The following NLGN1 variants were observed in gnomAD, a reference collection of about 807,000 sequenced individuals.
NLGN1 encodes the protein neuroligin 1, also known as neuroligin-1.
In NLGN1, 12 loss-of-function variants were observed where a neutral mutation model predicts 65.5. That is an observed-to-expected ratio of 0.18 (90% CI 0.12 to 0.30). The LOEUF is 0.30. NLGN1 is among the 10% of genes least tolerant of loss of function. The pLI, the probability that NLGN1 is intolerant of heterozygous loss-of-function variation, is 1.00. For missense variants in NLGN1, 750 were observed against 1,007.1 expected (o/e 0.74, Z 3.46); for synonymous variants, 350 against 359.5 (o/e 0.97, Z 0.30).
At chr3:174,062,354 GGTGGC>G (rs1737600606) in intron 4 of NLGN1, among the ~76,000 whole-genome samples, 1 of 151,992 alleles carries the variant, frequency 6.6e-6, no homozygotes, top group South Asian at 2.1e-4. Flanking sequence ...CTTTTCCATA[GGTGGC>G]ACCCTGTTTT....
intron 4 of NLGN1, among the ~76,000 whole-genome samples, chr3:173,934,840 G>T (rs1315258439): frequency 6.6e-6 from 1 of 151,908 alleles, no homozygotes; most frequent in Non-Finnish European, 1.5e-5. Flanking sequence ...TGATGCAGCT[G>T]ATTTAAAAAC....
At chr3:173,577,872 TAGAC>T (rs1194939599) in intron 2 of NLGN1, among the ~76,000 whole-genome samples, 4 of 151,880 alleles carry the variant, frequency 2.6e-5, no homozygotes, top group South Asian at 2.1e-4. Context: ...GATGGATAGA[TAGAC>T]AGATATATAG....
At chr3:174,118,934 T>G (rs975325286) in intron 4 of NLGN1, among the ~76,000 whole-genome samples, 1 of 152,148 alleles carries the variant, frequency 6.6e-6, no homozygotes, top group Non-Finnish European at 1.5e-5. Context: ...AAAGACCGTA[T>G]GTAATCTCAA....
intron 4 of NLGN1, among the ~76,000 whole-genome samples, chr3:174,003,597 A>G (rs1265877995): frequency 6.6e-6 from 1 of 152,152 alleles, no homozygotes; most frequent in Non-Finnish European, 1.5e-5. Flanking sequence ...CAATAGATAT[A>G]TTTTTCTACA....
chr3:174,115,040 C>CA (rs1716084716), intron 4 of NLGN1, among the ~76,000 whole-genome samples: 1 of 152,144 alleles, frequency 6.6e-6, no homozygotes, highest in Non-Finnish European at 1.5e-5. Flanking sequence ...GCCTGGTTAA[C>CA]AAAGGACTGT....
At chr3:173,690,362 T>G (rs982386535) in intron 3 of NLGN1, among the ~76,000 whole-genome samples, 1 of 152,156 alleles carries the variant, frequency 6.6e-6, no homozygotes, top group African/African-American at 2.4e-5. Context: ...GCATTATAAT[T>G]TTTATTCCTG....
intron 4 of NLGN1, among the ~76,000 whole-genome samples, chr3:173,966,910 G>A (rs1374387488): frequency 6.6e-6 from 1 of 152,144 alleles, no homozygotes; most frequent in African/African-American, 2.4e-5. Flanking sequence ...AAAGAGAAAG[G>A]TCTATAAATG....
chr3:173,670,630 A>C (rs1187079022), intron 3 of NLGN1, among the ~76,000 whole-genome samples: 1 of 152,158 alleles, frequency 6.6e-6, no homozygotes, highest in Non-Finnish European at 1.5e-5. Context: ...ATACTTTTTC[A>C]TATATTGAAC....
intron 2 of NLGN1, among the ~76,000 whole-genome samples, chr3:173,499,309 G>A (rs1189140365): frequency 6.6e-6 from 1 of 151,674 alleles, no homozygotes; most frequent in Non-Finnish European, 1.5e-5. Flanking sequence ...TATTAAATAG[G>A]GAATCCTTTC....
rs536892675 is a variant in NLGN1 at position 173,436,549 on chromosome 3, T to C, written c.-321+1471T>C. On this transcript the variant is annotated intron_variant, in intron 2 of 6. Coordinates refer to ENST00000457714, the Ensembl canonical transcript of NLGN1. ...ATTAATTTTAGGCGTGGTTTAACTA[T>C]GTGTCCCATTAATTCCATATCTACA... 5.3e-5 allele frequency among the ~76,000 whole-genome samples: 8 copies of C among 152,348 alleles called. No individual in the cohort carries two copies. The South Asian group carries it at 1.7e-3, about 32-fold the overall frequency.
chr3:173,423,540 C>CA (rs887574265), intron 1 of NLGN1, among the ~76,000 whole-genome samples: 6 of 148,990 alleles, frequency 4.0e-5, no homozygotes, highest in South Asian at 2.1e-4. Context: ...AAAAATTGAC[C>CA]AAAAAAAAAG....
At chr3:173,520,465 A>T (rs926094568) in intron 2 of NLGN1, among the ~76,000 whole-genome samples, 1 of 152,246 alleles carries the variant, frequency 6.6e-6, no homozygotes, top group Non-Finnish European at 1.5e-5. Flanking sequence ...AGCCCACACT[A>T]GAAAACAAGT....
At chr3:173,462,403 A>C (rs1010628554) in intron 2 of NLGN1, among the ~76,000 whole-genome samples, 1 of 148,190 alleles carries the variant, frequency 6.7e-6, no homozygotes, top group African/African-American at 2.5e-5. Flanking sequence ...TTTCTCCATT[A>C]GATTTTACTA....
Position 174,184,404 on chromosome 3 carries a change from A to G in NLGN1, c.647-90911A>G, listed in dbSNP as rs868852517. The stretch of plus-strand genomic sequence containing the variant: ...ACATTACATAAAGATTAACTTCAGT[A>G]TTACATCAAATCATTCTTCTAAAGC... On this transcript the variant is annotated intron_variant, in intron 4 of 6. Transcript: ENST00000457714. Among the ~76,000 whole-genome samples the G allele has an allele frequency of 2.9e-4, 44 of 152,278 alleles. No individual in the cohort carries two copies. The Middle Eastern group carries it at 0.014, about 47-fold the overall frequency.
chr3:173,572,721 T>C (rs1744847464), intron 2 of NLGN1, among the ~76,000 whole-genome samples: 1 of 152,218 alleles, frequency 6.6e-6, no homozygotes, highest in Non-Finnish European at 1.5e-5. Context: ...GAATGCAGAA[T>C]TTTGAATAGG....
At chr3:173,797,693 C>CAAAAAA (rs1312419518) in intron 3 of NLGN1, among the ~76,000 whole-genome samples, 18 of 56,456 alleles carry the variant, frequency 3.2e-4, no homozygotes, top group African/African-American at 7.4e-4. Context: ...ACAACAACAA[C>CAAAAAA]AACAACAAAA....
At chr3:173,775,699 G>A (rs1780208339) in intron 3 of NLGN1, among the ~76,000 whole-genome samples, 1 of 152,062 alleles carries the variant, frequency 6.6e-6, no homozygotes, top group South Asian at 2.1e-4. Context: ...GTGCTTTTAG[G>A]TTAATTAAAT....
chr3:173,612,037 T>C (rs984692584), intron 3 of NLGN1, among the ~76,000 whole-genome samples: 4 of 152,170 alleles, frequency 2.6e-5, no homozygotes, highest in Middle Eastern at 6.8e-3. Context: ...TTACTCACCA[T>C]TACACATTTT....
intron 4 of NLGN1, among the ~76,000 whole-genome samples, chr3:173,993,853 A>G (rs754698834): frequency 1.3e-5 from 2 of 151,974 alleles, no homozygotes; most frequent in Non-Finnish European, 2.9e-5. Flanking sequence ...CAAAATGTAT[A>G]CATACATGCA....
Sources: allele counts gnomAD v4.1 joint callset (sites outside exome capture counted in the v4.1 genomes callset), GRCh38; gene constraint gnomAD v4.1.1; transcripts MANE v1.5; gene names NCBI Gene and HGNC (gene_info 2026-07-23, HGNC 2026-07-21).